Variants in RECQL4 observed in about 807,000 individuals in gnomAD.
RECQL4 encodes ATP-dependent DNA helicase Q4.
A neutral mutation model predicts 128.6 loss-of-function variants in RECQL4; 158 were observed. The ratio of observed to expected loss-of-function variants is 1.23; its 90% CI spans 1.08 to 1.40. The LOEUF (loss-of-function observed/expected upper bound fraction) is 1.40. Among genes scored for constraint, RECQL4 ranks in the 40% most tolerant of loss-of-function variants. The probability of loss-of-function intolerance (pLI) is 0.00; values close to 1 mark genes in which losing one functional copy is unlikely to be tolerated. For missense variants in RECQL4, 2,293 were observed against 1,649.8 expected, an observed-to-expected ratio of 1.39 and a Z score of -6.75; for synonymous variants, 996 against 678.9, an observed-to-expected ratio of 1.47 and a Z score of -7.26.
Position 144,512,541 on chromosome 8 carries a change from C to T in RECQL4, c.2906G>A (p.Cys969Tyr), listed in dbSNP as rs760402848. The change falls in exon 17 of 21, where the codon TGC becomes TAC. Residue 969 changes from cysteine (C) to tyrosine (Y), a missense_variant. Transcript: ENST00000617875. Reference sequence around the variant, plus strand: ...GTCCTCAGGCAGCTGCTGGGCCAAGCACACAGCCAAAGGGGGACACCTGTG... The same window carrying T: ...GTCCTCAGGCAGCTGCTGGGCCAAGTACACAGCCAAAGGGGGACACCTGTG... ...LAHRCPPLAV[C>Y]LAQQLPEDPG... 3 of 1,612,576 alleles carry T rather than the reference C, an allele frequency of 1.9e-6. No individual in the cohort carries two copies. The highest frequency in any genetic ancestry group is 1.7e-4 in the Middle Eastern group (1 of 6,060).
Position 144,513,628 on chromosome 8 carries a change from G to A in RECQL4, c.2143C>T (p.Arg715Trp), listed in dbSNP as rs373292946. ...CAGGTTCGGAGGAGCGCAGCGATCC[G>A]CTCTGTGTCCTCGCGCCGGTTGCAG... ...IYCNRREDTE[R>W]IAALLRTCLH... The change falls in exon 13 of 21, where the codon CGG (arginine) becomes TGG (tryptophan). Residue 715 changes from arginine to tryptophan, a missense_variant. By Grantham distance (101) the Arg-to-Trp change is moderately radical. Coordinates refer to ENST00000617875, the MANE Select transcript of RECQL4 (RefSeq NM_004260.4). 1.0e-4 allele frequency: 163 copies of A among 1,599,838 alleles called. No homozygotes were observed. The highest frequency in any genetic ancestry group is 1.2e-4 in the Non-Finnish European group (145 of 1,173,880).
rs752508496 is a variant in RECQL4 at position 144,517,452 on chromosome 8, G to A, written c.175C>T (p.Leu59Phe). 18 of 1,593,250 alleles carry A rather than the reference G, an allele frequency of 1.1e-5. No homozygotes were observed. The African/African-American group carries it at 1.6e-4, about 14-fold the overall frequency. ...KRTTGQAGGG[L>F]RSSESLPAAA... The stretch of plus-strand genomic sequence containing the variant: ...GCGGGGAGCGACTCGGAGCTGCGGA[G>A]CCCGCCGCCGGCCTGGCCCGTGGTA... Residue 59 changes from leucine (L) to phenylalanine (F), a missense_variant, in exon 3 of 21, where the codon CTC becomes TTC. Coordinates refer to ENST00000617875, the MANE Select transcript of RECQL4 (RefSeq NM_004260.4).
rs552226907 is a variant in RECQL4, at chr8:144,514,332, G to C, written c.1735C>G (p.Leu579Val). The change falls in exon 11 of 21, where the codon CTG becomes GTG. Residue 579 changes from leucine (L) to valine (V), a missense_variant. Physicochemically the swap from Leu to Val is conservative, Grantham distance 32. Coordinates refer to ENST00000617875, the MANE Select transcript of RECQL4 (RefSeq NM_004260.4). Reference protein sequence around the residue: ...IRAAQVHVLMLTPEALVGAGG... With the variant: ...IRAAQVHVLMVTPEALVGAGG... ...GCCCCCACCAGTGCCTCAGGTGTCAGCATCAGCACGTGTACCTGGGCTGCC... is the reference window on the plus strand; with the variant it reads ...GCCCCCACCAGTGCCTCAGGTGTCACCATCAGCACGTGTACCTGGGCTGCC... 5.6e-6 allele frequency: 9 copies of C among 1,607,652 alleles called. No homozygotes were observed. Among genetic ancestry groups the C allele is most frequent in the Middle Eastern group, 1.7e-4 (1 of 6,040 alleles).
Position 144,513,143 on chromosome 8 carries a change from A to G in RECQL4, c.2464-5T>C, listed in dbSNP as rs564541064. ...CAGCTCTCGCAGGTCTTCGCCCTGCAGGGCAACTTTCATGAGGGTGGGGTG... is the reference window on the plus strand; with the variant it reads ...CAGCTCTCGCAGGTCTTCGCCCTGCGGGGCAACTTTCATGAGGGTGGGGTG... On this transcript the variant is annotated splice_polypyrimidine_tract_variant and splice_region_variant and intron_variant, in intron 14 of 20. Coordinates refer to ENST00000617875, the MANE Select transcript of RECQL4 (RefSeq NM_004260.4). 6 of 1,334,354 alleles carry G rather than the reference A, an allele frequency of 4.5e-6. No homozygotes were observed. In the African/African-American group the frequency reaches 8.4e-5, roughly 19 times the overall value. The allele number at this position is 1,334,354 out of a possible 1,614,324, so 82.7% of individuals were successfully genotyped here.
rs1355971313 is a variant in RECQL4 at position 144,514,224 on chromosome 8, G to T, written c.1843C>A (p.His615Asn). ...DEAHCLSQWS[H>N]NFRPCYLRVC... is the part of the protein sequence containing the mutation. ...CGCAGGTAGCAGGGCCGGAAGTTGT[G>T]GGACCACTGGGAGAGGCAGTGGGCC... The change falls in exon 11 of 21, where the codon CAC becomes AAC. Residue 615 changes from histidine to asparagine, a missense_variant. His to Asn is a moderately conservative substitution (Grantham distance 68). Coordinates refer to ENST00000617875, the MANE Select transcript of RECQL4 (RefSeq NM_004260.4). 1 of 1,612,166 alleles carries T rather than the reference G, an allele frequency of 6.2e-7. No homozygotes were observed. Among genetic ancestry groups the T allele is most frequent in the African/African-American group, 1.3e-5 (1 of 74,880 alleles).
Position 144,512,206 on chromosome 8 carries a change from A to G in RECQL4, c.3174T>C (p.Arg1058=), listed in dbSNP as rs768470543. Residue 1058 remains arginine, a synonymous_variant, in exon 18 of 21, where the codon CGT becomes CGC. Coordinates refer to ENST00000617875, the MANE Select transcript of RECQL4 (RefSeq NM_004260.4). ...KDQICDFLYG[R]VQARERQALA... Reference sequence around the variant, plus strand: ...GGGCCTGGCGCTCCCGGGCCTGCACACGGCCATAGAGGAAGTCACATATCT... The same window carrying G: ...GGGCCTGGCGCTCCCGGGCCTGCACGCGGCCATAGAGGAAGTCACATATCT... 5 of 1,612,314 alleles carry G rather than the reference A, an allele frequency of 3.1e-6. No homozygotes were observed. Among genetic ancestry groups the G allele is most frequent in the African/African-American group, 1.3e-5 (1 of 75,048 alleles).
In RECQL4 at chr8:144,515,305, G is replaced by A. The variant is rs778344339; in HGVS notation, c.1390+21C>T. 7 of 1,611,756 alleles carry A rather than the reference G, an allele frequency of 4.3e-6. No individual in the cohort carries two copies. In the African/African-American group the frequency reaches 6.7e-5, roughly 15 times the overall value. On this transcript the variant is annotated intron_variant, in intron 7 of 20. Transcript: ENST00000617875. ...CCCCAACCCCTCAGTGAAGGCTCTGGGCCAGAAGCTGACTGCTCACCTGCC... is the reference window on the plus strand; with the variant it reads ...CCCCAACCCCTCAGTGAAGGCTCTGAGCCAGAAGCTGACTGCTCACCTGCC...
At chr8:144,517,021 C>A (rs773052012) in intron 4 of RECQL4, 29 bp downstream of exon 4, 8 of 1,600,046 alleles carry the variant, frequency 5.0e-6, no homozygotes, top group Non-Finnish European at 6.8e-6. Context: ...GTGGACCTAG[C>A]GTGGACTCAC....
intron 3 of RECQL4, 104 bp from the exon 4 acceptor site, chr8:144,517,294 C>T (rs1443385641): frequency 2.4e-5 from 36 of 1,498,744 alleles, no homozygotes; most frequent in Non-Finnish European, 5.3e-6. Flanking sequence ...CCCTTCTTCA[C>T]TTTGCCCAGT....
rs1259980040 is a variant in RECQL4, at chr8:144,511,452, C to G, written c.3606G>C (p.Glu1202Asp). 6.2e-7 allele frequency: 1 copy of G among 1,612,534 alleles called. No individual in the cohort carries two copies. The highest frequency in any genetic ancestry group is 8.5e-7 in the Non-Finnish European group (1 of 1,179,742). The change falls in exon 21 of 21, where the codon GAG becomes GAC. Residue 1202 changes from glutamate (E) to aspartate (D), a missense_variant. Physicochemically the swap from Glu to Asp is conservative, Grantham distance 45. Coordinates refer to ENST00000617875, the MANE Select transcript of RECQL4 (RefSeq NM_004260.4). ...GCAGTCAGCGGGCCACCTGCAGGAGCTCTTCCGTGGCCAGGCCCACCAGGG... is the reference window on the plus strand; with the variant it reads ...GCAGTCAGCGGGCCACCTGCAGGAGGTCTTCCGTGGCCAGGCCCACCAGGG... ...FHALVGLATE[E>D]LLQVAR
intron 10 of RECQL4, 29 bp downstream of exon 10, chr8:144,514,413 C>A (rs1827849414): frequency 1.9e-6 from 3 of 1,604,136 alleles, no homozygotes; most frequent in African/African-American, 2.7e-5. Flanking sequence ...CCGCTGCCTC[C>A]CTCACCCCTA....
rs1401559978 is a variant in RECQL4 at position 144,513,034 on chromosome 8, G to T, written c.2568C>A (p.Thr856=). Residue 856 remains threonine (T), a synonymous_variant, in exon 15 of 21, where the codon ACC becomes ACA. Coordinates refer to ENST00000617875, the MANE Select transcript of RECQL4 (RefSeq NM_004260.4). The part of the protein sequence containing the change: ...VQRVFPACTC[T]CTRPPSEQEG... ...CCTGCTCCGAGGGCGGCCTGGTGCA[G>T]GTGCAGGTGCAGGCTGGGAACACGC... 6.4e-7 allele frequency: 1 copy of T among 1,574,152 alleles called. No homozygotes were observed. The highest frequency in any genetic ancestry group is 8.6e-7 in the Non-Finnish European group (1 of 1,161,290).
rs1198368445 is a variant in RECQL4 at position 144,514,325 on chromosome 8, G to A, written c.1742C>T (p.Pro581Leu). 1 of 1,608,432 alleles carries A rather than the reference G, an allele frequency of 6.2e-7. No homozygotes were observed. Among genetic ancestry groups the A allele is most frequent in the South Asian group, 1.1e-5 (1 of 90,932 alleles). The change falls in exon 11 of 21, where the codon CCT (proline) becomes CTT (leucine). Residue 581 changes from proline to leucine, a missense_variant. Pro to Leu is a moderately conservative substitution (Grantham distance 98). Coordinates refer to ENST00000617875, the MANE Select transcript of RECQL4 (RefSeq NM_004260.4). Reference sequence around the variant, plus strand: ...GCCTCCCGCCCCCACCAGTGCCTCAGGTGTCAGCATCAGCACGTGTACCTG... The same window carrying A: ...GCCTCCCGCCCCCACCAGTGCCTCAAGTGTCAGCATCAGCACGTGTACCTG... The part of the protein sequence containing the change: ...AAQVHVLMLT[P>L]EALVGAGGLP...
chr8:144,514,959 G>C lies in RECQL4; in HGVS notation c.1597C>G (p.Leu533Val), dbSNP rs769939735. The C allele has an allele frequency of 1.9e-6, 3 of 1,611,774 alleles. No individual in the cohort carries two copies. Among genetic ancestry groups the C allele is most frequent in the Non-Finnish European group, 2.5e-6 (3 of 1,179,566 alleles). Residue 533 changes from leucine (L) to valine (V), a missense_variant, in exon 9 of 21, where the codon CTG (leucine) becomes GTG (valine). Transcript: ENST00000617875. ...SPCLTLVVSP[L>V]LSLMDDQVSG... Reference sequence around the variant, plus strand: ...ACCTGGTCATCCATGAGTGACAGCAGGGGAGAGACGACCAACGTGAGGCAG... The same window carrying C: ...ACCTGGTCATCCATGAGTGACAGCACGGGAGAGACGACCAACGTGAGGCAG...
rs386833844 is a variant in RECQL4, at chr8:144,515,236, G to A, written c.1397C>T (p.Pro466Leu). ...CTCCAGGGCCTGGAACACCTCAGCC[G>A]GCGTCTCTGCAGACACAGATGTTGA... is the stretch of plus-strand genomic sequence containing the variant. The part of the protein sequence containing the change: ...LGPSGQLAET[P>L]AEVFQALEQL... Residue 466 changes from proline (P) to leucine (L), a missense_variant, in exon 8 of 21, where the codon CCG becomes CTG. By Grantham distance (98) the Pro-to-Leu change is moderately conservative. Transcript: ENST00000617875. The A allele has an allele frequency of 2.8e-5, 44 of 1,589,356 alleles. No homozygotes were observed. Among genetic ancestry groups the A allele is most frequent in the Admixed American group, 3.6e-5 (2 of 56,166 alleles).
rs535692036 is a variant in RECQL4, at chr8:144,515,371, T to C, written c.1345A>G (p.Thr449Ala). Residue 449 changes from threonine (T) to alanine (A), a missense_variant, in exon 7 of 21, where the codon ACC becomes GCC. Physicochemically the swap from Thr to Ala is moderately conservative, Grantham distance 58. Transcript: ENST00000617875. ...CCCAGGGAGTAGAGTGGCAGCACGG[T>C]GGGGTCCAGGCTGGGCACCTCAGGT... ...PVPEVPSLDP[T>A]VLPLYSLGPS... 4.3e-6 allele frequency: 7 copies of C among 1,612,626 alleles called. No homozygotes were observed. Among genetic ancestry groups the C allele is most frequent in the Non-Finnish European group, 5.1e-6 (6 of 1,179,810 alleles).
rs925971380 is a variant in RECQL4 at position 144,517,630 on chromosome 8, G to A, written c.90C>T (p.Asp30=). ...RQRGRRPSQD[D]VEAAPEETRA... ...GGGTCTCCTCCGGCGCCGCCTCCAC[G>A]TCGTCCTGTAAAGGGAACGCGTCAG... The change falls in exon 2 of 21, where the codon GAC becomes GAT. Residue 30 remains aspartate, a synonymous_variant. Coordinates refer to ENST00000617875, the MANE Select transcript of RECQL4 (RefSeq NM_004260.4). 9 of 1,486,428 alleles carry A rather than the reference G, an allele frequency of 6.1e-6. No individual in the cohort carries two copies. The highest frequency in any genetic ancestry group is 8.0e-6 in the Non-Finnish European group (9 of 1,126,306). The allele number at this position is 1,486,428 out of a possible 1,614,324, so 92.1% of individuals were successfully genotyped here.
chr8:144,511,856 A>T (rs1331477111), intron 19 of RECQL4, 55 bp downstream of exon 19: 22 of 1,610,358 alleles, frequency 1.4e-5, no homozygotes, highest in Non-Finnish European at 1.8e-5. Flanking sequence ...AGCAAGCCCC[A>T]TGCAGCCCAG....
Position 144,513,016 on chromosome 8 carries a change from C to T in RECQL4, c.2586G>A (p.Ser862=), listed in dbSNP as rs201012205. ...CCCCACCCACGGCCCCTTCCTGCTC[C>T]GAGGGCGGCCTGGTGCAGGTGCAGG... The part of the protein sequence containing the change: ...ACTCTCTRPP[S]EQEGAVGGER... Residue 862 remains serine, a synonymous_variant, in exon 15 of 21, where the codon TCG becomes TCA. Transcript: ENST00000617875. The T allele has an allele frequency of 7.2e-5, 113 of 1,570,906 alleles. No homozygotes were observed. The highest frequency in any genetic ancestry group is 3.3e-4 in the Middle Eastern group (2 of 6,012).
Sources: gnomAD v4.1 joint callset for allele counts on GRCh38, gnomAD v4.1.1 for gene constraint, MANE v1.5 for transcripts, NCBI Gene and HGNC (gene_info 2026-07-23, HGNC 2026-07-21) for gene names.